The following EMILIN2 variants were observed in gnomAD, a reference collection of about 807,000 sequenced individuals.
The protein encoded by EMILIN2 is elastin microfibril interfacer 2.
A neutral mutation model predicts 87.1 loss-of-function variants in EMILIN2; 71 were observed. The observed-to-expected ratio is 0.82, with a 90% confidence interval of 0.67 to 0.99. EMILIN2 has a LOEUF of 0.99. EMILIN2 is among the 50% of genes least tolerant of loss of function. EMILIN2 has a pLI of 0.00. For synonymous variants in EMILIN2, 581 were observed against 563.4 expected (o/e 1.03, Z -0.44); for missense variants, 1,407 against 1,371.8 (o/e 1.03, Z -0.40).
Position 2,891,056 on chromosome 18 carries a change from C to T in EMILIN2, c.929C>T (p.Thr310Ile). The T allele has an allele frequency of 6.2e-7, 1 of 1,614,188 alleles. No individual in the cohort carries two copies. The highest frequency in any genetic ancestry group is 1.3e-5 in the African/African-American group (1 of 75,048). Residue 310 changes from threonine to isoleucine, a missense_variant, in exon 4 of 8, where the codon ACC becomes ATC. Coordinates refer to ENST00000254528, the MANE Select transcript of EMILIN2 (RefSeq NM_032048.3). This position sits in a 1 kb window ranked among gnomAD's most constrained non-coding sequence, Gnocchi z 4.6. ...CAGGGCCCGACGGTGACCATGACAACCAACGAACTCTACCAAGCCTATGTG... is the reference window on the plus strand; with the variant it reads ...CAGGGCCCGACGGTGACCATGACAATCAACGAACTCTACCAAGCCTATGTG... ...AAQGPTVTMTTNELYQAYVDS... is the reference protein window; with the variant it reads ...AAQGPTVTMTINELYQAYVDS...
At position 2,892,005 on chromosome 18, in the gene EMILIN2, A is replaced by G. The variant is rs780123798; in HGVS notation, c.1878A>G (p.Gln626=). The G allele has an allele frequency of 3.7e-6, 6 of 1,614,244 alleles. No individual in the cohort carries two copies. The East Asian group carries it at 8.9e-5, about 24-fold the overall frequency. The change falls in exon 4 of 8, where the codon CAA becomes CAG. Residue 626 remains glutamine (Q), a synonymous_variant. Transcript: ENST00000254528. ...NHTENDVTHL[Q]KEMSNCRAGE... is the part of the protein sequence containing the mutation. ...CAGAAAATGATGTGACTCATCTTCAAAAGGAAATGAGCAATTGTAGAGCAG... is the reference window on the plus strand; with the variant it reads ...CAGAAAATGATGTGACTCATCTTCAGAAGGAAATGAGCAATTGTAGAGCAG...
chr18:2,899,191 C>A (rs570272852), intron 4 of EMILIN2, among the ~76,000 whole-genome samples: 1 of 152,276 alleles, frequency 6.6e-6, no homozygotes, highest in African/African-American at 2.4e-5. Context: ...CTAAAAAAAA[C>A]CGCTAGCTCT....
At chr18:2,896,262 G>A (rs1026778763) in intron 4 of EMILIN2, among the ~76,000 whole-genome samples, 10 of 152,088 alleles carry the variant, frequency 6.6e-5, no homozygotes, top group South Asian at 2.1e-4. Context: ...TGCAACCTCC[G>A]CCTCCCGGGT....
At chr18:2,893,931 A>C (rs2076851646) in intron 4 of EMILIN2, among the ~76,000 whole-genome samples, 1 of 152,184 alleles carries the variant, frequency 6.6e-6, no homozygotes, top group Non-Finnish European at 1.5e-5. Flanking sequence ...GTGCAGACTT[A>C]CTTGGTCCAT....
Position 2,876,719 on chromosome 18 carries a change from T to C in EMILIN2, c.258-8245T>C, listed in dbSNP as rs993789931. ...AGGCGGAGCTTGCAGTGAGCCAAGA[T>C]AGTGCCACTGCACTCCAGCCTGGGA... is the stretch of plus-strand genomic sequence containing the variant. On this transcript the variant is annotated intron_variant, in intron 2 of 7. Transcript: ENST00000254528. 2.0e-5 allele frequency among the ~76,000 whole-genome samples: 3 copies of C among 152,124 alleles called. No homozygotes were observed. The South Asian group carries it at 6.3e-4, about 32-fold the overall frequency.
At chr18:2,878,853 C>T (rs1023896899) in intron 2 of EMILIN2, among the ~76,000 whole-genome samples, 1 of 152,176 alleles carries the variant, frequency 6.6e-6, no homozygotes, top group Middle Eastern at 3.2e-3. Flanking sequence ...CTGGGGGCAA[C>T]CAATGACTGG....
intron 2 of EMILIN2, among the ~76,000 whole-genome samples, chr18:2,868,797 G>A (rs905225266): frequency 6.6e-6 from 1 of 151,972 alleles, no homozygotes; most frequent in African/African-American, 2.4e-5. Flanking sequence ...AAAGAGGAGA[G>A]GGAGAGGGAG....
chr18:2,895,177 A>G (rs765792713), intron 4 of EMILIN2, among the ~76,000 whole-genome samples: 8 of 152,042 alleles, frequency 5.3e-5, no homozygotes, highest in Non-Finnish European at 1.0e-4. Context: ...TGTGGTGTGC[A>G]TGAGCCACCT....
chr18:2,848,478 G>C lies in EMILIN2; in HGVS notation c.257+547G>C, dbSNP rs973141710. On this transcript the variant is annotated intron_variant, in intron 2 of 7. Transcript: ENST00000254528. The surrounding 1 kb of genome is among the most constrained non-coding windows in gnomAD (Gnocchi z 4.1). ...CTTTGCTTAAAAGTGTGGCTCCCCA[G>C]CATCCCTCCCCGCAACTTAGATTTG... is the stretch of plus-strand genomic sequence containing the variant. Among the ~76,000 whole-genome samples, 1 of 151,938 alleles carries C rather than the reference G, an allele frequency of 6.6e-6. No homozygotes were observed. Among genetic ancestry groups the C allele is most frequent in the Non-Finnish European group, 1.5e-5 (1 of 67,998 alleles).
Position 2,906,910 on chromosome 18 carries a change from G to GT in EMILIN2, c.2487_2488insT (p.Pro830SerfsTer91). ...GGCGACGGCCCGTCCTGCCCCAGCG[G>GT]CCCCCCGAGGAGAGGCCGCCCCAGC... On this transcript the variant is annotated frameshift_variant, in exon 5 of 8. Coordinates refer to ENST00000254528, the MANE Select transcript of EMILIN2 (RefSeq NM_032048.3). LOFTEE classifies it high-confidence loss of function. 1.4e-6 allele frequency: 2 copies of GT among 1,393,146 alleles called. No individual in the cohort carries two copies. Among genetic ancestry groups the GT allele is most frequent in the Non-Finnish European group, 1.9e-6 (2 of 1,070,960 alleles). The allele number at this position is 1,393,146 out of a possible 1,614,324, so 86.3% of individuals were successfully genotyped here. A position where few individuals can be genotyped will look rare whatever the true frequency, so the allele number is the denominator to read the frequency against.
rs1471176430 is a variant in EMILIN2, at chr18:2,880,404, C to T, written c.258-4560C>T. ...CCGAAAAGGGTTTTAGAGGAAGAGG[C>T]GGGCAAAGGAGACTTGGCTGGAATG... On this transcript the variant is annotated intron_variant, in intron 2 of 7. Coordinates refer to ENST00000254528, the MANE Select transcript of EMILIN2 (RefSeq NM_032048.3). This position sits in a 1 kb window ranked among gnomAD's most constrained non-coding sequence, Gnocchi z 4.1. 2.0e-5 allele frequency among the ~76,000 whole-genome samples: 3 copies of T among 152,148 alleles called. No homozygotes were observed. Among genetic ancestry groups the T allele is most frequent in the African/African-American group, 2.4e-5 (1 of 41,424 alleles).
At chr18:2,865,476 T>C (rs2076681869) in intron 2 of EMILIN2, among the ~76,000 whole-genome samples, 1 of 152,218 alleles carries the variant, frequency 6.6e-6, no homozygotes, top group Non-Finnish European at 1.5e-5. Flanking sequence ...GGAGGTCCAC[T>C]CCAGACCCTG....
chr18:2,876,316 A>G (rs915601389), intron 2 of EMILIN2, among the ~76,000 whole-genome samples: 1 of 151,894 alleles, frequency 6.6e-6, no homozygotes, highest in East Asian at 1.9e-4. Flanking sequence ...TTGTTACTCT[A>G]TGTGATAAGG....
chr18:2,852,282 C>G (rs1331188987), intron 2 of EMILIN2, among the ~76,000 whole-genome samples: 11 of 152,148 alleles, frequency 7.2e-5, no homozygotes, highest in Non-Finnish European at 7.4e-5. Context: ...TTTAATGAAG[C>G]ACTGGCAGAT....
chr18:2,885,188 G>A (rs766912434), intron 3 of EMILIN2, 49 bp downstream of exon 3: 9 of 1,503,692 alleles, frequency 6.0e-6, no homozygotes, highest in Non-Finnish European at 7.1e-6. Flanking sequence ...AATATTTCCG[G>A]TGCTCCTTCA....
chr18:2,898,529 C>G (rs531835457), intron 4 of EMILIN2, among the ~76,000 whole-genome samples: 2 of 152,290 alleles, frequency 1.3e-5, no homozygotes, highest in East Asian at 3.9e-4. Flanking sequence ...CCAGATGTCA[C>G]GCTTCCAAGT....
intron 2 of EMILIN2, among the ~76,000 whole-genome samples, chr18:2,878,781 G>A (rs576254822): frequency 9.2e-5 from 14 of 152,104 alleles, no homozygotes; most frequent in Admixed American, 2.0e-4. Context: ...TCCCGGCTCC[G>A]TTCCAGTCAA....
chr18:2,857,373 G>A (rs1392315229), intron 2 of EMILIN2, among the ~76,000 whole-genome samples: 2 of 152,126 alleles, frequency 1.3e-5, no homozygotes, highest in African/African-American at 2.4e-5. Context: ...TTTACTCTCA[G>A]TCCATCAGAA....
intron 2 of EMILIN2, among the ~76,000 whole-genome samples, chr18:2,879,371 C>T (rs962521559): frequency 2.0e-5 from 3 of 152,176 alleles, no homozygotes; most frequent in Admixed American, 6.5e-5. Context: ...TAAATGTTAA[C>T]AGCCATGCCA....
Sources: gnomAD v4.1 joint callset for allele counts (sites outside exome capture counted in the v4.1 genomes callset) on GRCh38, gnomAD v4.1.1 for gene constraint, Gnocchi (gnomAD v3.1) non-coding constraint, MANE v1.5 for transcripts, NCBI Gene and HGNC (gene_info 2026-07-23, HGNC 2026-07-21) for gene names.